The following MB21D2 variants were observed in gnomAD, a reference collection of about 807,000 sequenced individuals.
MB21D2 encodes nucleotidyltransferase MB21D2.
Under a neutral mutation model 33.3 loss-of-function variants are expected in MB21D2, and 9 were observed. The observed-to-expected ratio is 0.27, with a 90% CI of 0.16 to 0.47. The LOEUF (loss-of-function observed/expected upper bound fraction) is 0.47, where lower values mean the gene tolerates loss of function less well. Among genes scored for constraint, MB21D2 ranks in the 20% least tolerant of loss-of-function variants. The pLI is 0.99. For synonymous variants in MB21D2, 241 were observed against 236.3 expected (o/e 1.02, Z -0.18); for missense variants, 540 against 624.6 (o/e 0.86, Z 1.44).
Position 192,798,409 on chromosome 3 carries a change from T to G in MB21D2, c.1453A>C (p.Arg485=). Residue 485 remains arginine (R), a synonymous_variant, in exon 2 of 2, where the codon AGA becomes CGA. Coordinates refer to ENST00000392452, the MANE Select transcript of MB21D2 (RefSeq NM_178496.4). This position sits in a 1 kb window ranked among gnomAD's most constrained non-coding sequence, Gnocchi z 4.8. The part of the protein sequence containing the change: ...NPDDVTRPHF[R]IDDKFF ...ACTCAGAAAAATTTGTCATCAATTC[T>G]GAAATGGGGCCTTGTGACATCGTCA... 6.2e-7 allele frequency: 1 copy of G among 1,613,780 alleles called. No homozygotes were observed. Among genetic ancestry groups the G allele is most frequent in the South Asian group, 1.1e-5 (1 of 91,012 alleles).
At chr3:192,860,116 A>G (rs537523706) in intron 1 of MB21D2, among the ~76,000 whole-genome samples, 2 of 152,212 alleles carry the variant, frequency 1.3e-5, no homozygotes, top group Non-Finnish European at 2.9e-5. Context: ...TGATTCCTGA[A>G]AGCCAATGAA....
chr3:192,910,147 G>T (rs983088374), intron 1 of MB21D2, among the ~76,000 whole-genome samples: 1 of 151,324 alleles, frequency 6.6e-6, no homozygotes, highest in East Asian at 1.9e-4. Flanking sequence ...ACCAATGTGA[G>T]AATTCATTAC....
chr3:192,830,012 G>T (rs1712278030), intron 1 of MB21D2, among the ~76,000 whole-genome samples: 1 of 152,128 alleles, frequency 6.6e-6, no homozygotes, highest in Non-Finnish European at 1.5e-5. Flanking sequence ...ACAGGTGCAT[G>T]CCACAATACC....
At chr3:192,887,728 C>T (rs1035921278) in intron 1 of MB21D2, among the ~76,000 whole-genome samples, 6 of 152,090 alleles carry the variant, frequency 3.9e-5, no homozygotes, top group African/African-American at 1.5e-4. Flanking sequence ...GGTTGCTTTG[C>T]TCTTACGTAA....
At chr3:192,867,418 G>A (rs1036684881) in intron 1 of MB21D2, among the ~76,000 whole-genome samples, 4 of 152,100 alleles carry the variant, frequency 2.6e-5, no homozygotes, top group African/African-American at 9.7e-5. Context: ...ATATACCCTG[G>A]CTGTCACCCC....
rs545177758 is a variant in MB21D2, at chr3:192,874,726, G to A, written c.211+42904C>T. ...CTATTGCTTGCTGGTTTCTAGTAGC[G>A]TCCAGCCAGTGGGGAGCACAGCAGA... is the stretch of plus-strand genomic sequence containing the variant. On this transcript the variant is annotated intron_variant, in intron 1 of 1. Transcript: ENST00000392452. 3.0e-4 allele frequency among the ~76,000 whole-genome samples: 46 copies of A among 152,286 alleles called. No homozygotes were observed. The South Asian group carries it at 8.5e-3, about 28-fold the overall frequency.
chr3:192,911,970 C>G (rs1283444589), intron 1 of MB21D2, among the ~76,000 whole-genome samples: 1 of 152,170 alleles, frequency 6.6e-6, no homozygotes, highest in African/African-American at 2.4e-5. Flanking sequence ...CCATAAATTT[C>G]CATGGTAAAT....
intron 1 of MB21D2, among the ~76,000 whole-genome samples, chr3:192,809,580 A>G (rs1711743490): frequency 6.6e-6 from 1 of 152,174 alleles, no homozygotes. Flanking sequence ...TGCCACATAA[A>G]CTGTATAGGA....
chr3:192,915,744 G>C (rs747649362), intron 1 of MB21D2, among the ~76,000 whole-genome samples: 2 of 152,172 alleles, frequency 1.3e-5, no homozygotes, highest in Non-Finnish European at 2.9e-5. Flanking sequence ...TGCTGATTCA[G>C]TGTATCAGCT....
At chr3:192,914,453 A>G (rs1180387072) in intron 1 of MB21D2, among the ~76,000 whole-genome samples, 1 of 152,164 alleles carries the variant, frequency 6.6e-6, no homozygotes, top group Non-Finnish European at 1.5e-5. Flanking sequence ...ACCAGTCTCT[A>G]TCGAACCTCA....
chr3:192,911,870 T>C (rs1714365029), intron 1 of MB21D2, among the ~76,000 whole-genome samples: 1 of 152,186 alleles, frequency 6.6e-6, no homozygotes, highest in Admixed American at 6.5e-5. Flanking sequence ...ACTTCCGAGA[T>C]GATCCTGTGC....
At chr3:192,886,692 T>C (rs1713739249) in intron 1 of MB21D2, among the ~76,000 whole-genome samples, 2 of 152,164 alleles carry the variant, frequency 1.3e-5, no homozygotes, top group Admixed American at 6.5e-5. Flanking sequence ...AATGGTGTCA[T>C]GTACTAGTCA....
intron 1 of MB21D2, among the ~76,000 whole-genome samples, chr3:192,897,239 CTA>C (rs1713997301): frequency 6.6e-6 from 1 of 152,104 alleles, no homozygotes; most frequent in South Asian, 2.1e-4. Context: ...ATGCAACAAA[CTA>C]TGCAACAAAC....
chr3:192,817,270 T>C (rs1040355135), intron 1 of MB21D2, among the ~76,000 whole-genome samples: 4 of 152,164 alleles, frequency 2.6e-5, no homozygotes, highest in African/African-American at 9.7e-5. Flanking sequence ...ATGCAGTGCT[T>C]TGTAATGCAA....
chr3:192,854,321 G>A (rs1212075787), intron 1 of MB21D2, among the ~76,000 whole-genome samples: 2 of 152,226 alleles, frequency 1.3e-5, no homozygotes, highest in Non-Finnish European at 1.5e-5. Context: ...AGATTTGGTG[G>A]TCTAGATAGA....
rs115350503 is a variant in MB21D2 at position 192,827,918 on chromosome 3, G to C, written c.212-28268C>G. Among the ~76,000 whole-genome samples the C allele has an allele frequency of 4.4e-3, 677 of 152,214 alleles. 13 individuals are homozygous for C. The highest frequency in any genetic ancestry group is 0.015 in the African/African-American group (635 of 41,484). ...TTACCACCTGTTGTGAGAGGGATCA[G>C]GTGGGAGATCATTGAATCATGGGAT... is the stretch of plus-strand genomic sequence containing the variant. On this transcript the variant is annotated intron_variant, in intron 1 of 1. Coordinates refer to ENST00000392452, the MANE Select transcript of MB21D2 (RefSeq NM_178496.4).
At chr3:192,865,450 T>C (rs748072252) in intron 1 of MB21D2, among the ~76,000 whole-genome samples, 2 of 152,210 alleles carry the variant, frequency 1.3e-5, no homozygotes, top group African/African-American at 2.4e-5. Context: ...CAGGAGTATG[T>C]AGAAATTCAA....
At chr3:192,849,318 G>GA (rs1423029809) in intron 1 of MB21D2, among the ~76,000 whole-genome samples, 3 of 133,768 alleles carry the variant, frequency 2.2e-5, no homozygotes, top group South Asian at 3.0e-4. Flanking sequence ...TCTTTTTTTG[G>GA]GGGGGGGGCG....
intron 1 of MB21D2, among the ~76,000 whole-genome samples, chr3:192,915,907 T>TG (rs1163120116): frequency 6.6e-6 from 1 of 152,094 alleles, no homozygotes; most frequent in African/African-American, 2.4e-5. Context: ...AGAACTGATC[T>TG]GGGGGCTGTA....
Sources: allele counts gnomAD v4.1 joint callset (sites outside exome capture counted in the v4.1 genomes callset), GRCh38; gene constraint gnomAD v4.1.1; non-coding constraint Gnocchi (gnomAD v3.1); transcripts MANE v1.5; gene names NCBI Gene and HGNC (gene_info 2026-07-23, HGNC 2026-07-21).